Variants in ADGRL3 observed in about 807,000 individuals in gnomAD.
The protein encoded by ADGRL3 is adhesion G protein-coupled receptor L3, also known as calcium-independent alpha-latrotoxin receptor 3.
Under a neutral mutation model 153.5 loss-of-function variants are expected in ADGRL3, and 62 were observed. The observed-to-expected ratio is 0.40, with a 90% CI of 0.33 to 0.50. The LOEUF (loss-of-function observed/expected upper bound fraction) is 0.50, where lower values mean the gene tolerates loss of function less well. Among genes scored for constraint, ADGRL3 ranks in the 20% least tolerant of loss-of-function variants. ADGRL3 has a pLI of 0.47. For missense variants in ADGRL3, 1,641 were observed against 1,859.4 expected, an observed-to-expected ratio of 0.88 and a Z score of 2.16; for synonymous variants, 710 against 672.5, an observed-to-expected ratio of 1.06 and a Z score of -0.86.
chr4:61,450,829 TA>T (rs1251724598), intron 2 of ADGRL3, among the ~76,000 whole-genome samples: 1 of 152,062 alleles, frequency 6.6e-6, no homozygotes, highest in Non-Finnish European at 1.5e-5. Flanking sequence ...AAAAATATTC[TA>T]AAAATTTGAA....
intron 4 of ADGRL3, among the ~76,000 whole-genome samples, chr4:61,559,816 A>AT (rs34531875): frequency 0.12 from 18,570 of 151,158 alleles, 1,232 homozygotes; most frequent in East Asian, 0.18. Context: ...AACCATAATC[A>AT]TTTTTTTTTA....
chr4:61,368,544 T>C (rs923472928), intron 1 of ADGRL3, among the ~76,000 whole-genome samples: 4 of 151,934 alleles, frequency 2.6e-5, no homozygotes, highest in Admixed American at 6.6e-5. Flanking sequence ...GTTGTAGATA[T>C]GCGGCGTTAT....
At position 61,500,257 on chromosome 4, in the gene ADGRL3, T is replaced by A. The variant is rs561620401; in HGVS notation, c.55+2909T>A. Among the ~76,000 whole-genome samples, 3 of 152,216 alleles carry A rather than the reference T, an allele frequency of 2.0e-5. No individual in the cohort carries two copies. The South Asian group carries it at 6.2e-4, about 32-fold the overall frequency. ...CAAAACAATATAGAAGCTTTTTACT[T>A]ATAAACTTTATCCTTTATTTTAAAA... On this transcript the variant is annotated intron_variant, in intron 3 of 26. Transcript: ENST00000683033.
intron 9 of ADGRL3, among the ~76,000 whole-genome samples, chr4:61,814,399 A>C (rs1475356932): frequency 6.6e-6 from 1 of 152,194 alleles, no homozygotes; most frequent in African/African-American, 2.4e-5. Context: ...GTTTCAGTTA[A>C]AGATTTTTGT....
chr4:61,555,307 A>G (rs1471246607), intron 4 of ADGRL3, among the ~76,000 whole-genome samples: 2 of 152,160 alleles, frequency 1.3e-5, no homozygotes, highest in South Asian at 4.1e-4. Flanking sequence ...AATTTCTTCC[A>G]ATTTGTATAG....
At chr4:61,808,668 G>A (rs1194161092) in intron 8 of ADGRL3, among the ~76,000 whole-genome samples, 1 of 151,996 alleles carries the variant, frequency 6.6e-6, no homozygotes, top group Non-Finnish European at 1.5e-5. Context: ...AAATCAAGCT[G>A]TTATAATGCT....
intron 8 of ADGRL3, among the ~76,000 whole-genome samples, chr4:61,755,142 G>C (rs894811919): frequency 2.6e-5 from 4 of 152,176 alleles, no homozygotes; most frequent in African/African-American, 9.7e-5. Context: ...CCAGTAATGG[G>C]ATGGCTGGGT....
chr4:61,566,778 A>G (rs1444089124), intron 4 of ADGRL3, among the ~76,000 whole-genome samples: 2 of 152,116 alleles, frequency 1.3e-5, no homozygotes, highest in Non-Finnish European at 2.9e-5. Flanking sequence ...CACATTTACT[A>G]TTTTTAGAAT....
intron 8 of ADGRL3, among the ~76,000 whole-genome samples, chr4:61,748,892 G>A (rs2096711816): frequency 6.6e-6 from 1 of 151,292 alleles, no homozygotes; most frequent in Non-Finnish European, 1.5e-5. Flanking sequence ...CTTCTGCACA[G>A]CAAAAGAAAC....
intron 3 of ADGRL3, among the ~76,000 whole-genome samples, chr4:61,513,391 A>G (rs528691801): frequency 6.6e-6 from 1 of 152,268 alleles, no homozygotes; most frequent in East Asian, 1.9e-4. Context: ...ATCATCACAA[A>G]TACTTTACCT....
intron 19 of ADGRL3, among the ~76,000 whole-genome samples, chr4:61,995,713 C>T (rs1221679710): frequency 6.6e-6 from 1 of 152,086 alleles, no homozygotes; most frequent in Non-Finnish European, 1.5e-5. Flanking sequence ...GGTCATGAAT[C>T]AACTTCATGG....
intron 8 of ADGRL3, among the ~76,000 whole-genome samples, chr4:61,738,568 T>C (rs1460349883): frequency 6.6e-6 from 1 of 152,168 alleles, no homozygotes; most frequent in Non-Finnish European, 1.5e-5. Flanking sequence ...ATGGTAACCT[T>C]GGAGGAAAGA....
intron 17 of ADGRL3, among the ~76,000 whole-genome samples, chr4:61,965,246 G>A (rs1020840394): frequency 2.0e-5 from 3 of 151,886 alleles, no homozygotes; most frequent in East Asian, 3.9e-4. Flanking sequence ...CGATCCCCCC[G>A]CCATTTCCTC....
At chr4:61,338,393 C>CTGTGTGTGTG (rs4038726) in intron 1 of ADGRL3, among the ~76,000 whole-genome samples, 2 of 149,882 alleles carry the variant, frequency 1.3e-5, no homozygotes, top group African/African-American at 4.9e-5. Context: ...CAGTGTGTGT[C>CTGTGTGTGTG]TGTGTGTGTG....
At chr4:61,555,963 C>T (rs2148890254) in intron 4 of ADGRL3, among the ~76,000 whole-genome samples, 1 of 152,194 alleles carries the variant, frequency 6.6e-6, no homozygotes, top group South Asian at 2.1e-4. Context: ...CCTGTTTTAT[C>T]AGCAAGGTCT....
intron 5 of ADGRL3, among the ~76,000 whole-genome samples, chr4:61,652,741 T>G (rs943577179): frequency 3.9e-5 from 6 of 152,240 alleles, no homozygotes; most frequent in African/African-American, 1.2e-4. Context: ...ATTTCTGTCA[T>G]AATTATAACC....
chr4:61,533,184 C>A (rs1405423281), intron 4 of ADGRL3, among the ~76,000 whole-genome samples: 2 of 152,146 alleles, frequency 1.3e-5, no homozygotes, highest in African/African-American at 4.8e-5. Flanking sequence ...CTGTGGGAGT[C>A]TTTTCAGTAA....
chr4:61,372,691 T>C (rs1228005106), intron 1 of ADGRL3, among the ~76,000 whole-genome samples: 1 of 152,166 alleles, frequency 6.6e-6, no homozygotes, highest in Non-Finnish European at 1.5e-5. Flanking sequence ...TGTTTGTCTG[T>C]GCCCTGCCCC....
At chr4:61,350,009 G>A (rs6818172) in intron 1 of ADGRL3, among the ~76,000 whole-genome samples, 1 of 152,000 alleles carries the variant, frequency 6.6e-6, no homozygotes, top group Non-Finnish European at 1.5e-5. Context: ...CACTATTTAA[G>A]GTTATCATCT....
Sources: gnomAD v4.1 joint callset for allele counts (sites outside exome capture counted in the v4.1 genomes callset) on GRCh38, gnomAD v4.1.1 for gene constraint, MANE v1.5 for transcripts, NCBI Gene and HGNC (gene_info 2026-07-23, HGNC 2026-07-21) for gene names.